ATPAF1: variants seen among roughly 807,000 people sequenced by gnomAD.
ATPAF1 encodes homolog of yeast ATP11.
A neutral mutation model predicts 43.9 loss-of-function variants in ATPAF1; 26 were observed. That is an observed-to-expected ratio of 0.59 (90% CI 0.43 to 0.82). The LOEUF is 0.82. ATPAF1 is among the 40% of genes least tolerant of loss of function. The pLI, the probability that ATPAF1 is intolerant of heterozygous loss-of-function variation, is 0.00. For missense variants in ATPAF1, 366 were observed against 435.0 expected (o/e 0.84, Z 1.41); for synonymous variants, 157 against 168.0 (o/e 0.93, Z 0.50).
chr1:46,635,322 T>G (rs1675816915), exon 9 of ATPAF1: 1 of 158,554 alleles, frequency 6.3e-6, no homozygotes, highest in Non-Finnish European at 1.4e-5. Context: ...TGGCTTATGC[T>G]TTTGTTCAGC....
chr1:46,660,123 T>C lies in ATPAF1; in HGVS notation c.376-1386A>G, dbSNP rs1287253960. On this transcript the variant is annotated intron_variant, in intron 2 of 8. Coordinates refer to ENST00000574428, the Ensembl canonical transcript of ATPAF1. Reference sequence around the variant, plus strand: ...TCCCGAGTAGCTGGGTCTACAGGCTTGTGCCACCATGCCTGGCTAATTTTT... The same window carrying C: ...TCCCGAGTAGCTGGGTCTACAGGCTCGTGCCACCATGCCTGGCTAATTTTT... 1.7e-4 allele frequency among the ~76,000 whole-genome samples: 26 copies of C among 152,148 alleles called. No homozygotes were observed. The South Asian group carries it at 5.2e-3, about 30-fold the overall frequency.
chr1:46,646,667 C>G (rs1458045103), intron 6 of ATPAF1, among the ~76,000 whole-genome samples: 1 of 152,120 alleles, frequency 6.6e-6, no homozygotes, highest in African/African-American at 2.4e-5. Context: ...TGATCCCTTG[C>G]TAGGGAAAAT....
intron 7 of ATPAF1, among the ~76,000 whole-genome samples, chr1:46,644,647 TA>T: frequency 6.6e-6 from 1 of 152,220 alleles, no homozygotes; most frequent in Non-Finnish European, 1.5e-5. Flanking sequence ...TTAAAAGTTT[TA>T]AATGTTTTGA....
chr1:46,643,200 T>A lies in ATPAF1; in HGVS notation c.786A>T (p.Thr262=), dbSNP rs200333485. Residue 262 remains threonine (T), a synonymous_variant, in exon 8 of 9, where the codon ACA becomes ACT. Coordinates refer to ENST00000574428, the Ensembl canonical transcript of ATPAF1. ...TTTGCAAGTTAATTCTTACCAGAAATGTGGAATCCATTTCTGCAGTCATCA... is the reference window on the plus strand; with the variant it reads ...TTTGCAAGTTAATTCTTACCAGAAAAGTGGAATCCATTTCTGCAGTCATCA... 1.9e-6 allele frequency: 3 copies of A among 1,611,338 alleles called. No homozygotes were observed. The East Asian group carries it at 6.7e-5, about 36-fold the overall frequency.
At chr1:46,649,991 T>C (rs1480683046) in intron 6 of ATPAF1, among the ~76,000 whole-genome samples, 1 of 152,108 alleles carries the variant, frequency 6.6e-6, no homozygotes, top group Non-Finnish European at 1.5e-5. Context: ...GTATATATCA[T>C]TTCCATTTAT....
At chr1:46,654,891 T>C (rs927778268) in intron 4 of ATPAF1, among the ~76,000 whole-genome samples, 3 of 152,124 alleles carry the variant, frequency 2.0e-5, no homozygotes, top group Admixed American at 6.5e-5. Flanking sequence ...TATGGCTGCA[T>C]AGTATTCCAT....
intron 6 of ATPAF1, among the ~76,000 whole-genome samples, chr1:46,649,354 T>C (rs960423272): frequency 4.3e-4 from 65 of 152,186 alleles, no homozygotes; most frequent in African/African-American, 1.6e-3. Flanking sequence ...TATATGTTTG[T>C]CTATTTCAGG....
chr1:46,665,790 T>C, intron 1 of ATPAF1: 1 of 1,475,870 alleles, frequency 6.8e-7, no homozygotes, highest in Non-Finnish European at 8.9e-7. Context: ...GTTAAACATC[T>C]GCTTTATTCA....
In ATPAF1 at chr1:46,668,299, A is replaced by G; in HGVS notation, c.24T>C (p.Ala8=). The G allele has an allele frequency of 7.2e-7, 1 of 1,379,814 alleles. No individual in the cohort carries two copies. Among genetic ancestry groups the G allele is most frequent in the Non-Finnish European group, 9.4e-7 (1 of 1,061,880 alleles). 85.5% of individuals were successfully genotyped at this position (1,379,814 alleles called of 1,614,324 possible). Residue 8 remains alanine, a synonymous_variant, in exon 1 of 9, where the codon GCT becomes GCC. Transcript: ENST00000574428. This position sits in a 1 kb window ranked among gnomAD's most constrained non-coding sequence, Gnocchi z 4.4. ...GGACCGCCGGTCCCGCGCCACCCGC[A>G]GCCGCCACCACCACAGCAGCCATGG...
rs1052911935 is a variant in ATPAF1 at position 46,643,358 on chromosome 1, T to G, written c.685-57A>C. 4 of 1,375,594 alleles carry G rather than the reference T, an allele frequency of 2.9e-6. No homozygotes were observed. The Admixed American group carries it at 7.7e-5, about 27-fold the overall frequency. 85.2% of individuals were successfully genotyped at this position (1,375,594 alleles called of 1,614,324 possible). A position where few individuals can be genotyped will look rare whatever the true frequency, so the allele number is the denominator to read the frequency against. ...AAGGTACCATCACAACAAACTGCAA[T>G]TTCAAAGCAATAGACAGTCTAGAGG... On this transcript the variant is annotated intron_variant, in intron 7 of 8. Coordinates refer to ENST00000574428, the Ensembl canonical transcript of ATPAF1.
chr1:46,646,934 G>A (rs779659051), intron 6 of ATPAF1, among the ~76,000 whole-genome samples: 1 of 152,072 alleles, frequency 6.6e-6, no homozygotes, highest in Non-Finnish European at 1.5e-5. Context: ...TTGTAAAAAC[G>A]GAACCACAAA....
chr1:46,665,371 A>G lies in ATPAF1; in HGVS notation c.267-7T>C. The G allele has an allele frequency of 6.2e-7, 1 of 1,613,922 alleles. No individual in the cohort carries two copies. The highest frequency in any genetic ancestry group is 8.5e-7 in the Non-Finnish European group (1 of 1,179,794). On this transcript the variant is annotated splice_region_variant and splice_polypyrimidine_tract_variant and intron_variant, in intron 1 of 8. Coordinates refer to ENST00000574428, the Ensembl canonical transcript of ATPAF1. ...AAAAGCAGCTGGGTCTGACCTGATC[A>G]GAGGTAAACCAAAGGGTAAACCAAC...
chr1:46,666,343 A>G (rs1183729132), intron 1 of ATPAF1: 1 of 152,696 alleles, frequency 6.5e-6, no homozygotes, highest in African/African-American at 2.4e-5. Flanking sequence ...AGCTGCAAGC[A>G]GCCCTGGGGG....
At chr1:46,665,268 A>G (rs2148827811) in exon 2 of ATPAF1, 16 of 1,614,242 alleles carry the variant, frequency 9.9e-6, no homozygotes, top group Non-Finnish European at 1.3e-5. Context: ...TCTGTTCCAC[A>G]CATTTGATAA....
At chr1:46,642,768 A>C (rs1675972558) in intron 8 of ATPAF1, among the ~76,000 whole-genome samples, 1 of 152,174 alleles carries the variant, frequency 6.6e-6, no homozygotes, top group East Asian at 1.9e-4. Flanking sequence ...TAGAAAGATA[A>C]TAGGTATAGA....
chr1:46,651,787 CA>C (rs1172583769), intron 6 of ATPAF1, among the ~76,000 whole-genome samples: 1 of 152,004 alleles, frequency 6.6e-6, no homozygotes, highest in African/African-American at 2.4e-5. Context: ...ACTCATCTGA[CA>C]AAGGGCTAAT....
intron 2 of ATPAF1, 62 bp downstream of exon 2, chr1:46,665,194 T>G: frequency 2.0e-6 from 3 of 1,524,146 alleles, no homozygotes; most frequent in Non-Finnish European, 2.7e-6. Flanking sequence ...AGGATAAGGG[T>G]GAGGGTAAGG....
Position 46,662,395 on chromosome 1 carries a change from A to G in ATPAF1, c.375+2861T>C, listed in dbSNP as rs568336040. Among the ~76,000 whole-genome samples, 11 of 151,924 alleles carry G rather than the reference A, an allele frequency of 7.2e-5. 1 individual carries two copies. The South Asian group carries it at 2.3e-3, about 32-fold the overall frequency. ...TTGCTCACATAAAGTTGTAAACTCT[A>G]TTTGTCATAGGAGTTGAATTTGCTC... On this transcript the variant is annotated intron_variant, in intron 2 of 8. Transcript: ENST00000574428.
chr1:46,649,365 A>C (rs1676121006), intron 6 of ATPAF1, among the ~76,000 whole-genome samples: 1 of 151,910 alleles, frequency 6.6e-6, no homozygotes, highest in East Asian at 1.9e-4. Context: ...CTATTTCAGG[A>C]CTCTACTCTG....
Sources: gnomAD v4.1 joint callset for allele counts (sites outside exome capture counted in the v4.1 genomes callset) on GRCh38, gnomAD v4.1.1 for gene constraint, Gnocchi (gnomAD v3.1) non-coding constraint, MANE v1.5 for transcripts, NCBI Gene and HGNC (gene_info 2026-07-23, HGNC 2026-07-21) for gene names.